SARS2: variants seen among roughly 807,000 people sequenced by gnomAD.
SARS2 encodes the protein seryl-tRNA synthetase 2, mitochondrial.
SARS2 carries 52 observed loss-of-function variants against 66.8 expected under a neutral mutation model. The ratio of observed to expected loss-of-function variants is 0.78; its 90% CI spans 0.62 to 0.98. The LOEUF (loss-of-function observed/expected upper bound fraction) is 0.98. SARS2 is among the 50% of genes least tolerant of loss of function. The pLI, the probability that SARS2 is intolerant of heterozygous loss-of-function variation, is 0.00. For missense variants in SARS2, 673 were observed against 706.3 expected (o/e 0.95, Z 0.53); for synonymous variants, 306 against 281.4 (o/e 1.09, Z -0.87).
intron 5 of SARS2, 88 bp from the exon 6 acceptor site, chr19:38,920,237 G>T: frequency 9.6e-7 from 1 of 1,043,164 alleles, no homozygotes; most frequent in Non-Finnish European, 1.5e-6. Context: ...GCAGAGAGGA[G>T]GGACGGTGAG....
chr19:38,925,009 A>T (rs1467193409), intron 2 of SARS2, among the ~76,000 whole-genome samples: 1 of 152,176 alleles, frequency 6.6e-6, no homozygotes, highest in Non-Finnish European at 1.5e-5. Flanking sequence ...TGTTGGTTGT[A>T]TAACCCAAGA....
intron 1 of SARS2, chr19:38,930,260 G>A (rs1166283157): frequency 3.2e-6 from 2 of 634,624 alleles, no homozygotes; most frequent in African/African-American, 1.8e-5. Flanking sequence ...GGGTGTCCAG[G>A]ACACAGTAGG....
rs139747100 is a variant in SARS2, at chr19:38,925,872, A to C, written c.363+333T>G. Among the ~76,000 whole-genome samples, 1,214 of 152,266 alleles carry C rather than the reference A, an allele frequency of 8.0e-3. 16 individuals are homozygous for C. The highest frequency in any genetic ancestry group is 0.027 in the African/African-American group (1,140 of 41,548). Reference sequence around the variant, plus strand: ...CGCTCTGTCGCCCAGGCTGGAGTGCAGTGGCGCCATCTCAGCTCACTGCAA... The same window carrying C: ...CGCTCTGTCGCCCAGGCTGGAGTGCCGTGGCGCCATCTCAGCTCACTGCAA... On this transcript the variant is annotated intron_variant, in intron 2 of 15. Transcript: ENST00000221431.
chr19:38,921,553 G>A lies in SARS2; in HGVS notation c.508C>T (p.Leu170=). The change falls in exon 4 of 16, where the codon CTG becomes TTG. Residue 170 remains leucine, a synonymous_variant. Coordinates refer to ENST00000221431, the MANE Select transcript of SARS2 (RefSeq NM_017827.4). Reference sequence around the variant, plus strand: ...ACGTCTGGGTGGGTCTGGTTGGGCAGCTTCAGCGCCTGCAGGTAGAACTGC... The same window carrying A: ...ACGTCTGGGTGGGTCTGGTTGGGCAACTTCAGCGCCTGCAGGTAGAACTGC... ...EEQFYLQALK[L]PNQTHPDVPV... 6.2e-7 allele frequency: 1 copy of A among 1,614,202 alleles called. No individual in the cohort carries two copies. The highest frequency in any genetic ancestry group is 8.5e-7 in the Non-Finnish European group (1 of 1,180,014).
intron 3 of SARS2, 59 bp downstream of exon 3, chr19:38,922,179 G>T: frequency 1.9e-6 from 3 of 1,601,502 alleles, no homozygotes; most frequent in Admixed American, 1.7e-5. Context: ...ATCGTGACTG[G>T]CAGGGTATCC....
chr19:38,924,398 A>C (rs2144777003), intron 2 of SARS2, among the ~76,000 whole-genome samples: 1 of 152,098 alleles, frequency 6.6e-6, no homozygotes, highest in South Asian at 2.1e-4. Flanking sequence ...TGATAACAGG[A>C]CCTCCCTGGG....
chr19:38,928,890 T>C (rs917605301), intron 1 of SARS2, among the ~76,000 whole-genome samples: 5 of 152,150 alleles, frequency 3.3e-5, no homozygotes, highest in Admixed American at 6.5e-5. Context: ...TTACCAGAAA[T>C]TGTAATTAGT....
In SARS2 at chr19:38,918,102, C is replaced by A; in HGVS notation, c.954G>T (p.Leu318=). Residue 318 remains leucine (L), a synonymous_variant, in exon 10 of 16, where the codon CTG becomes CTT. Transcript: ENST00000221431. ...AGGAAACCAGGTGTCACCTGACTGGCAGGTCCCTGAAGGCCACGGTGTGGT... is the reference window on the plus strand; with the variant it reads ...AGGAAACCAGGTGTCACCTGACTGGAAGGTCCCTGAAGGCCACGGTGTGGT... The part of the protein sequence containing the change: ...FMDHTVAFRD[L]PVRMVCSSTC... 3.1e-6 allele frequency: 5 copies of A among 1,605,284 alleles called. No individual in the cohort carries two copies. The highest frequency in any genetic ancestry group is 2.2e-5 in the East Asian group (1 of 44,548).
At position 38,930,725 on chromosome 19, in the gene SARS2, G is replaced by T; in HGVS notation, c.12C>A (p.Ser4=). The change falls in exon 1 of 16, where the codon TCC becomes TCA. Residue 4 remains serine (S), a synonymous_variant. Transcript: ENST00000221431. ...GCAAAGGCCACAAGCGCCGCGCCAT[G>T]GACGCAGCCATCTTGGACCGGGAAC... MAA[S]MARRLWPLLT... 6.2e-7 allele frequency: 1 copy of T among 1,613,428 alleles called. No homozygotes were observed. Among genetic ancestry groups the T allele is most frequent in the South Asian group, 1.1e-5 (1 of 91,054 alleles).
At chr19:38,925,613 T>C (rs112646184) in intron 2 of SARS2, among the ~76,000 whole-genome samples, 147 of 152,282 alleles carry the variant, frequency 9.7e-4, no homozygotes, top group Non-Finnish European at 1.8e-3. Context: ...GGCACAGTCA[T>C]GTGAGGAGAT....
intron 5 of SARS2, among the ~76,000 whole-genome samples, chr19:38,921,036 C>A (rs1400766834): frequency 7.2e-6 from 1 of 138,466 alleles, no homozygotes; most frequent in Non-Finnish European, 1.5e-5. Context: ...TACAGACACA[C>A]ACAGATACAC....
At chr19:38,920,652 TAC>T (rs1285393442) in intron 5 of SARS2, among the ~76,000 whole-genome samples, 1 of 140,068 alleles carries the variant, frequency 7.1e-6, no homozygotes, top group African/African-American at 2.7e-5. Flanking sequence ...GACAGACACA[TAC>T]ACAGACACGC....
chr19:38,917,805 C>T lies in SARS2; in HGVS notation c.1079G>A (p.Gly360Glu). ...KVEMFGVTGPGLEQSSQLLEE... is the reference protein window; with the variant it reads ...KVEMFGVTGPELEQSSQLLEE... ...CAGCAGCTGTGAGCTCTGCTCCAGC[C>T]CAGGGCCTGTCACCCCAAACATCTC... is the stretch of plus-strand genomic sequence containing the variant. Residue 360 changes from glycine (G) to glutamate (E), a missense_variant, in exon 12 of 16, where the codon GGG becomes GAG. Coordinates refer to ENST00000221431, the MANE Select transcript of SARS2 (RefSeq NM_017827.4). The T allele has an allele frequency of 1.9e-6, 3 of 1,614,140 alleles. No individual in the cohort carries two copies.
chr19:38,930,137 T>G, intron 1 of SARS2: 7 of 292,146 alleles, frequency 2.4e-5, no homozygotes, highest in Non-Finnish European at 3.3e-5. Flanking sequence ...CCATTTTCCT[T>G]TGTGGTCTTA....
intron 1 of SARS2, chr19:38,930,225 G>A (rs938184298): frequency 3.1e-5 from 17 of 545,296 alleles, no homozygotes; most frequent in Non-Finnish European, 5.5e-5. Flanking sequence ...GGTACCCAGC[G>A]AGCAGTATGA....
Position 38,930,495 on chromosome 19 carries a change from AGCTCCCCC to A in SARS2, c.234_241del (p.Lys78AsnfsTer35). ...GATCGCGGGCAGGTCCGCCGAGCGC[AGCTCCCCC>A]TTGCGGAGCTCCAGGGCGTGTGCGG... On this transcript the variant is annotated frameshift_variant, in exon 1 of 16. Transcript: ENST00000221431. LOFTEE classifies it high-confidence loss of function. 6.2e-7 allele frequency: 1 copy of A among 1,604,732 alleles called. No homozygotes were observed. Among genetic ancestry groups the A allele is most frequent in the Non-Finnish European group, 8.5e-7 (1 of 1,174,346 alleles).
intron 2 of SARS2, among the ~76,000 whole-genome samples, chr19:38,922,809 T>G (rs913303491): frequency 3.3e-5 from 5 of 152,170 alleles, no homozygotes; most frequent in African/African-American, 1.2e-4. Flanking sequence ...TTGCTTCCCC[T>G]TCCGCCATGA....
At position 38,915,326 on chromosome 19, in the gene SARS2, A is replaced by AG; in HGVS notation, c.*279dup. 1 of 547,532 alleles carries AG rather than the reference A, an allele frequency of 1.8e-6. No homozygotes were observed. The highest frequency in any genetic ancestry group is 3.3e-5 in the Admixed American group (1 of 30,644). The allele number at this position is 547,532 out of a possible 1,614,324, so 33.9% of individuals were successfully genotyped here. A position where few individuals can be genotyped will look rare whatever the true frequency, so the allele number is the denominator to read the frequency against. On this transcript the variant is annotated 3_prime_UTR_variant, in exon 16 of 16. Coordinates refer to ENST00000221431, the MANE Select transcript of SARS2 (RefSeq NM_017827.4). ...GCACTGTAGGAGGAAAGAAGGAAGG[A>AG]GGGATGGAAGCCTCTTCCTCTGCTT...
rs532120858 is a variant in SARS2, at chr19:38,926,387, C to T, written c.268-87G>A. 2.6e-4 allele frequency: 319 copies of T among 1,228,592 alleles called. No individual in the cohort carries two copies. In the East Asian group the frequency reaches 3.8e-3, roughly 14 times the overall value. The allele number at this position is 1,228,592 out of a possible 1,614,324, so 76.1% of individuals were successfully genotyped here. ...GCCCACTGGCCACCTGGACCTGCGG[C>T]GCAGTGAGGCAGAGATCCCTACCTA... On this transcript the variant is annotated intron_variant, in intron 1 of 15. Transcript: ENST00000221431.
Sources: allele counts gnomAD v4.1 joint callset (sites outside exome capture counted in the v4.1 genomes callset), GRCh38; gene constraint gnomAD v4.1.1; transcripts MANE v1.5; gene names NCBI Gene and HGNC (gene_info 2026-07-23, HGNC 2026-07-21).